ZFP14: variants seen among roughly 807,000 people sequenced by gnomAD.
ZFP14 encodes zinc finger protein 14 homolog.
A neutral mutation model predicts 54.5 loss-of-function variants in ZFP14; 22 were observed. The ratio of observed to expected loss-of-function variants is 0.40; its 90% CI spans 0.29 to 0.58. The LOEUF is 0.58. ZFP14 is among the 20% of genes least tolerant of loss of function. The pLI is 0.39. For missense variants in ZFP14, 470 were observed against 637.8 expected (o/e 0.74, Z 2.83); for synonymous variants, 159 against 204.0 (o/e 0.78, Z 1.88).
chr19:36,372,479 C>A (rs537316464), intron 1 of ZFP14, among the ~76,000 whole-genome samples: 1 of 152,062 alleles, frequency 6.6e-6, no homozygotes, highest in Admixed American at 6.6e-5. Flanking sequence ...CAAACATACA[C>A]CAGAAAATTG....
chr19:36,361,531 T>C (rs972926292), intron 3 of ZFP14, among the ~76,000 whole-genome samples: 2 of 152,084 alleles, frequency 1.3e-5, no homozygotes, highest in Non-Finnish European at 2.9e-5. Flanking sequence ...TGAGCCACCA[T>C]GCCTGACCTT....
Position 36,340,142 on chromosome 19 carries a change from G to T in ZFP14, c.*82C>A. The T allele has an allele frequency of 1.5e-6, 2 of 1,343,460 alleles. No homozygotes were observed. Among genetic ancestry groups the T allele is most frequent in the Non-Finnish European group, 2.0e-6 (2 of 1,008,014 alleles). The allele number at this position is 1,343,460 out of a possible 1,614,324, so 83.2% of individuals were successfully genotyped here. A position where few individuals can be genotyped will look rare whatever the true frequency, so the allele number is the denominator to read the frequency against. On this transcript the variant is annotated 3_prime_UTR_variant, in exon 5 of 5. Transcript: ENST00000270001. The surrounding 1 kb of genome is among the most constrained non-coding windows in gnomAD (Gnocchi z 5.4). ...TCTAATATAAAATTTATTATGCTTG[G>T]AATTGAGCATGAAACACATTTTCTC...
chr19:36,360,249 T>C (rs1442203289), intron 4 of ZFP14, 186 bp downstream of exon 4: 3 of 389,524 alleles, frequency 7.7e-6, no homozygotes, highest in Non-Finnish European at 1.4e-5. Context: ...TCAAGATCAA[T>C]AGAAAGTTCC....
chr19:36,374,382 C>T (rs1446256546), intron 1 of ZFP14, among the ~76,000 whole-genome samples: 3 of 150,334 alleles, frequency 2.0e-5, no homozygotes, highest in African/African-American at 7.4e-5. Flanking sequence ...CCCAGCTACT[C>T]GGGAGGCTGG....
intron 4 of ZFP14, among the ~76,000 whole-genome samples, chr19:36,349,714 CT>C (rs2031492889): frequency 6.9e-6 from 1 of 145,956 alleles, no homozygotes; most frequent in Non-Finnish European, 1.5e-5. Flanking sequence ...ATAATATATA[CT>C]ATGTATATTA....
At chr19:36,354,091 A>G (rs2031574360) in intron 4 of ZFP14, among the ~76,000 whole-genome samples, 1 of 132,562 alleles carries the variant, frequency 7.5e-6, no homozygotes, top group Non-Finnish European at 1.6e-5. Flanking sequence ...AAAAAAAAAA[A>G]GCCGGGCACA....
At chr19:36,369,039 G>A (rs539713400) in intron 1 of ZFP14, among the ~76,000 whole-genome samples, 41 of 152,116 alleles carry the variant, frequency 2.7e-4, no homozygotes, top group Admixed American at 2.2e-3. Context: ...ACGGGGTTTC[G>A]CCATGTTGAC....
intron 4 of ZFP14, among the ~76,000 whole-genome samples, chr19:36,344,831 C>G (rs2031384929): frequency 6.6e-6 from 1 of 152,180 alleles, no homozygotes; most frequent in Non-Finnish European, 1.5e-5. Context: ...TCTCCCGCCC[C>G]AGTCCATGGA....
chr19:36,372,592 C>T (rs767735741), intron 1 of ZFP14, among the ~76,000 whole-genome samples: 27 of 152,150 alleles, frequency 1.8e-4, no homozygotes, highest in Non-Finnish European at 3.4e-4. Context: ...GTGGCTCATG[C>T]CTGTAACCCC....
chr19:36,360,374 T>C, intron 4 of ZFP14, 61 bp downstream of exon 4: 1 of 1,489,292 alleles, frequency 6.7e-7, no homozygotes, highest in Non-Finnish European at 9.2e-7. Flanking sequence ...GCCTCCACCC[T>C]AATCAGTTTA....
intron 4 of ZFP14, among the ~76,000 whole-genome samples, chr19:36,354,074 CAA>C (rs34807802): frequency 5.6e-4 from 48 of 85,790 alleles, no homozygotes; most frequent in Admixed American, 9.9e-4. Flanking sequence ...GACCCTGTCT[CAA>C]AAAAAAAAAA....
intron 2 of ZFP14, among the ~76,000 whole-genome samples, chr19:36,363,921 C>T (rs977723983): frequency 5.3e-5 from 8 of 151,400 alleles, no homozygotes; most frequent in African/African-American, 1.9e-4. Context: ...ACCCAGGAGA[C>T]GGAGGTTGCA....
In ZFP14 at chr19:36,341,148, T is replaced by C. The variant is rs75094162; in HGVS notation, c.678A>G (p.Lys226=). The C allele has an allele frequency of 2.7e-3, 4,304 of 1,614,166 alleles. 72 individuals carry two copies. The African/African-American group carries it at 0.044, about 16-fold the overall frequency. ...IRHHKLHTGE[K]PYECKECGKA... The stretch of plus-strand genomic sequence containing the variant: ...TCCCACACTCCTTACATTCATAGGG[T>C]TTCTCACCGGTGTGAAGTTTGTGAT... The change falls in exon 5 of 5, where the codon AAA becomes AAG. Residue 226 remains lysine, a synonymous_variant. Coordinates refer to ENST00000270001, the MANE Select transcript of ZFP14 (RefSeq NM_020917.3). The surrounding 1 kb of genome is among the most constrained non-coding windows in gnomAD (Gnocchi z 4.2).
At position 36,374,592 on chromosome 19, in the gene ZFP14, C is replaced by T. The variant is rs551831421; in HGVS notation, c.-80+4571G>A. On this transcript the variant is annotated intron_variant, in intron 1 of 4. Coordinates refer to ENST00000270001, the MANE Select transcript of ZFP14 (RefSeq NM_020917.3). ...ATTAAAGTTGAAAAGAACCTAATTTCGGAATGATTCAATAACCTGTTGTTT... is the reference window on the plus strand; with the variant it reads ...ATTAAAGTTGAAAAGAACCTAATTTTGGAATGATTCAATAACCTGTTGTTT... Among the ~76,000 whole-genome samples the T allele has an allele frequency of 4.6e-5, 7 of 151,952 alleles. No individual in the cohort carries two copies. In the East Asian group the frequency reaches 9.7e-4, roughly 21 times the overall value.
At chr19:36,363,993 A>G (rs966722566) in intron 2 of ZFP14, among the ~76,000 whole-genome samples, 1 of 152,092 alleles carries the variant, frequency 6.6e-6, no homozygotes, top group African/African-American at 2.4e-5. Context: ...CGGTCTCAAA[A>G]AAAAAAAAAA....
chr19:36,349,201 A>C (rs1384023754), intron 4 of ZFP14, among the ~76,000 whole-genome samples: 2 of 132,446 alleles, frequency 1.5e-5, no homozygotes, highest in East Asian at 4.9e-4. Flanking sequence ...ATTGCATTCC[A>C]GCCTGGGCTA....
At chr19:36,367,236 G>A (rs529524174) in intron 2 of ZFP14, among the ~76,000 whole-genome samples, 6 of 152,178 alleles carry the variant, frequency 3.9e-5, no homozygotes, top group East Asian at 1.9e-4. Flanking sequence ...ACTGTACTGA[G>A]AAAAATATAC....
intron 2 of ZFP14, 140 bp downstream of exon 2, chr19:36,367,744 G>T: frequency 1.1e-6 from 1 of 947,932 alleles, no homozygotes; most frequent in Non-Finnish European, 1.5e-6. Context: ...GATTACAGGC[G>T]TGAGCCATTG....
chr19:36,369,222 C>G (rs2031843258), intron 1 of ZFP14, among the ~76,000 whole-genome samples: 1 of 152,134 alleles, frequency 6.6e-6, no homozygotes, highest in South Asian at 2.1e-4. Flanking sequence ...CATTGAGAAC[C>G]TCTATGTGTT....
Sources: allele counts gnomAD v4.1 joint callset (sites outside exome capture counted in the v4.1 genomes callset), GRCh38; gene constraint gnomAD v4.1.1; non-coding constraint Gnocchi (gnomAD v3.1); transcripts MANE v1.5; gene names NCBI Gene and HGNC (gene_info 2026-07-23, HGNC 2026-07-21).